FER1L6: variants seen among roughly 807,000 people sequenced by gnomAD.
FER1L6 encodes the protein fer-1-like protein 6.
In FER1L6, 177 loss-of-function variants were observed where a neutral mutation model predicts 219.2. That is an observed-to-expected ratio of 0.81 (90% CI 0.71 to 0.91). The LOEUF (loss-of-function observed/expected upper bound fraction) is 0.91, where lower values mean the gene tolerates loss of function less well. Among genes scored for constraint, FER1L6 ranks in the 40% least tolerant of loss-of-function variants. The pLI is 0.00. For synonymous variants in FER1L6, 768 were observed against 824.3 expected, an observed-to-expected ratio of 0.93 and a Z score of 1.17; for missense variants, 2,153 against 2,259.9, an observed-to-expected ratio of 0.95 and a Z score of 0.96.
chr8:123,935,829 C>T lies in FER1L6; in HGVS notation c.-7-20163C>T, dbSNP rs77674877. Among the ~76,000 whole-genome samples, 1,359 of 151,980 alleles carry T rather than the reference C, an allele frequency of 8.9e-3. 20 individuals carry two copies. The highest frequency in any genetic ancestry group is 0.02 in the Middle Eastern group (6 of 294). ...CAACTATAAGATTCTGTTTGCCTTG[C>T]ACTAATTTTAATTTTTGGTGCTGTC... On this transcript the variant is annotated intron_variant, in intron 1 of 40. Transcript: ENST00000522917.
intron 1 of FER1L6, among the ~76,000 whole-genome samples, chr8:123,905,899 A>G (rs1377231251): frequency 2.6e-5 from 4 of 152,332 alleles, no homozygotes; most frequent in Non-Finnish European, 5.9e-5. Flanking sequence ...AAACAACAAC[A>G]AAAAATTCCT....
chr8:124,107,896 C>T (rs1822846463), intron 39 of FER1L6, among the ~76,000 whole-genome samples: 1 of 152,158 alleles, frequency 6.6e-6, no homozygotes, highest in African/African-American at 2.4e-5. Flanking sequence ...AGGACATGCA[C>T]ATTTTATAAT....
chr8:124,063,326 C>G (rs1820675435), intron 25 of FER1L6, among the ~76,000 whole-genome samples: 1 of 152,072 alleles, frequency 6.6e-6, no homozygotes, highest in South Asian at 2.1e-4. Flanking sequence ...ATGTTTTAAA[C>G]TTTATAGTTT....
Position 123,853,397 on chromosome 8 carries a change from C to T in FER1L6, c.-8+1212C>T, listed in dbSNP as rs1816559629. Among the ~76,000 whole-genome samples the T allele has an allele frequency of 6.6e-6, 1 of 152,132 alleles. No individual in the cohort carries two copies. The highest frequency in any genetic ancestry group is 1.5e-5 in the Non-Finnish European group (1 of 68,026). On this transcript the variant is annotated intron_variant, in intron 1 of 40. Coordinates refer to ENST00000522917, the MANE Select transcript of FER1L6 (RefSeq NM_001039112.2). The surrounding 1 kb of genome is among the most constrained non-coding windows in gnomAD (Gnocchi z 6.6). ...CTCAAACTTCTGACCTCAAACGATC[C>T]ACCCACCTCAGCCTCCCAAAGTGCT...
At chr8:123,883,969 A>C (rs1028769003) in intron 1 of FER1L6, among the ~76,000 whole-genome samples, 3 of 152,244 alleles carry the variant, frequency 2.0e-5, no homozygotes, top group Non-Finnish European at 4.4e-5. Context: ...TTGGGGGGAC[A>C]CATTCAGAGC....
chr8:123,865,694 T>C (rs1816823911), intron 1 of FER1L6, among the ~76,000 whole-genome samples: 1 of 151,216 alleles, frequency 6.6e-6, no homozygotes, highest in Non-Finnish European at 1.5e-5. Flanking sequence ...TGAGCCGTTT[T>C]TTAAGCCGGT....
intron 15 of FER1L6, among the ~76,000 whole-genome samples, chr8:124,015,614 T>C (rs1818166730): frequency 7.4e-6 from 1 of 134,646 alleles, no homozygotes; most frequent in Admixed American, 7.5e-5. Context: ...TATATATATA[T>C]ATTACTCCTG....
At chr8:123,948,923 G>A (rs2130061646) in intron 1 of FER1L6, among the ~76,000 whole-genome samples, 1 of 152,218 alleles carries the variant, frequency 6.6e-6, no homozygotes, top group Non-Finnish European at 1.5e-5. Flanking sequence ...TTGCAAAGAT[G>A]GCTGTGGAAT....
intron 5 of FER1L6, 73 bp from the exon 6 acceptor site, chr8:123,969,962 A>C (rs1165696017): frequency 1.7e-6 from 2 of 1,193,382 alleles, no homozygotes; most frequent in African/African-American, 3.0e-5. Flanking sequence ...CAAAGATCTA[A>C]ATCCACTCCA....
At chr8:124,097,443 A>G (rs1251851712) in intron 36 of FER1L6, 84 bp downstream of exon 36, 17 of 1,011,662 alleles carry the variant, frequency 1.7e-5, no homozygotes, top group Non-Finnish European at 2.6e-5. Flanking sequence ...GGTGTCTGAC[A>G]GGTTACCTGA....
chr8:123,990,728 C>G lies in FER1L6; in HGVS notation c.1519+4552C>G, dbSNP rs572152110. On this transcript the variant is annotated intron_variant, in intron 12 of 40. Transcript: ENST00000522917. ...TGGAAGCTTTTTAGTTTAATTAGGT[C>G]CCACTTATTTATGTTGGTTTTTGTT... Among the ~76,000 whole-genome samples, 5 of 152,176 alleles carry G rather than the reference C, an allele frequency of 3.3e-5. No homozygotes were observed. The East Asian group carries it at 9.7e-4, about 29-fold the overall frequency.
intron 12 of FER1L6, among the ~76,000 whole-genome samples, chr8:123,999,192 G>T (rs1311475874): frequency 6.6e-6 from 1 of 152,180 alleles, no homozygotes; most frequent in Non-Finnish European, 1.5e-5. Context: ...CCAGCATGGT[G>T]CTGAGTCTCA....
chr8:124,051,704 C>G (rs766946040), intron 22 of FER1L6, among the ~76,000 whole-genome samples: 1 of 152,150 alleles, frequency 6.6e-6, no homozygotes, highest in Non-Finnish European at 1.5e-5. Flanking sequence ...CCCACCAGAG[C>G]TGGGGATTCT....
rs187442438 is a variant in FER1L6 at position 124,065,884 on chromosome 8, A to T, written c.3556-544A>T. ...CTATCACTCCCTCTCCTGCCACCCC[A>T]TCAATTATGTGATAGAAGTCATTTA... On this transcript the variant is annotated intron_variant, in intron 26 of 40. Coordinates refer to ENST00000522917, the MANE Select transcript of FER1L6 (RefSeq NM_001039112.2). 8.9e-4 allele frequency among the ~76,000 whole-genome samples: 135 copies of T among 152,276 alleles called. 1 individual carries two copies. The highest frequency in any genetic ancestry group is 7.2e-4 in the Non-Finnish European group (49 of 68,018).
chr8:124,016,902 A>G (rs756794118), intron 15 of FER1L6, among the ~76,000 whole-genome samples: 12 of 152,154 alleles, frequency 7.9e-5, no homozygotes, highest in Non-Finnish European at 1.6e-4. Flanking sequence ...TTAATTTTGA[A>G]TCAAATTTAA....
intron 18 of FER1L6, among the ~76,000 whole-genome samples, chr8:124,024,652 T>A (rs997449635): frequency 6.6e-6 from 1 of 152,226 alleles, no homozygotes; most frequent in Admixed American, 6.5e-5. Flanking sequence ...CAATTTTGAA[T>A]TGTGCTACAA....
intron 18 of FER1L6, among the ~76,000 whole-genome samples, chr8:124,033,453 G>T (rs1315826815): frequency 1.3e-5 from 2 of 152,090 alleles, no homozygotes; most frequent in African/African-American, 4.8e-5. Context: ...ATTACAGGTT[G>T]TAGAGTGGTT....
chr8:123,928,206 A>T (rs1009548175), intron 1 of FER1L6, among the ~76,000 whole-genome samples: 2 of 152,212 alleles, frequency 1.3e-5, no homozygotes, highest in African/African-American at 4.8e-5. Flanking sequence ...TACTTAGATG[A>T]ACTAATATTA....
intron 1 of FER1L6, among the ~76,000 whole-genome samples, chr8:123,879,722 T>TAC (rs139893329): frequency 0.012 from 1,836 of 151,414 alleles, 32 homozygotes; most frequent in African/African-American, 0.04. Flanking sequence ...TGCATGCGCA[T>TAC]ACACACACAC....
Sources: gnomAD v4.1 joint callset for allele counts (sites outside exome capture counted in the v4.1 genomes callset) on GRCh38, gnomAD v4.1.1 for gene constraint, Gnocchi (gnomAD v3.1) non-coding constraint, MANE v1.5 for transcripts, NCBI Gene and HGNC (gene_info 2026-07-23, HGNC 2026-07-21) for gene names.